Variants in TG observed in about 807,000 individuals in gnomAD.
TG encodes thyroglobulin.
In TG, 270 loss-of-function variants were observed where a neutral mutation model predicts 324.7. The ratio of observed to expected loss-of-function variants is 0.83; its 90% CI spans 0.75 to 0.92. The LOEUF (loss-of-function observed/expected upper bound fraction) is 0.92. Ranked by LOEUF, TG falls within the 40% of genes least tolerant of loss-of-function variation. The pLI, the probability that TG is intolerant of heterozygous loss-of-function variation, is 0.00. For missense variants in TG, 3,591 were observed against 3,456.4 expected, an observed-to-expected ratio of 1.04 and a Z score of -0.98; for synonymous variants, 1,401 against 1,327.0, an observed-to-expected ratio of 1.06 and a Z score of -1.21.
chr8:132,991,883 G>A (rs561606455), intron 35 of TG, among the ~76,000 whole-genome samples: 3 of 152,200 alleles, frequency 2.0e-5, no homozygotes, highest in South Asian at 2.1e-4. Context: ...CTCTGAGACC[G>A]AGAGATTGAG....
intron 34 of TG, among the ~76,000 whole-genome samples, chr8:132,981,854 A>T (rs941224832): frequency 6.6e-6 from 1 of 152,192 alleles, no homozygotes; most frequent in Non-Finnish European, 1.5e-5. Context: ...GGGAAAAGAC[A>T]TAATAGGATT....
At chr8:133,125,314 A>C (rs1176408263) in intron 45 of TG, among the ~76,000 whole-genome samples, 2 of 152,238 alleles carry the variant, frequency 1.3e-5, no homozygotes, top group Non-Finnish European at 2.9e-5. Flanking sequence ...GAGGTCCACT[A>C]GGGTGCCATG....
intron 29 of TG, among the ~76,000 whole-genome samples, chr8:132,965,098 T>TG (rs1198828572): frequency 2.0e-5 from 3 of 152,106 alleles, no homozygotes; most frequent in African/African-American, 7.2e-5. Flanking sequence ...CATGGTTCAA[T>TG]GGGGAGACCC....
chr8:133,133,709 A>C, intron 47 of TG, 49 bp downstream of exon 47: 1 of 1,585,614 alleles, frequency 6.3e-7, no homozygotes, highest in East Asian at 2.3e-5. Flanking sequence ...TGATCTCAGC[A>C]TCTGCTGTGC....
intron 41 of TG, among the ~76,000 whole-genome samples, chr8:133,057,619 G>A (rs1218772297): frequency 6.6e-6 from 1 of 152,098 alleles, no homozygotes; most frequent in African/African-American, 2.4e-5. Context: ...CAGCTTCCAC[G>A]GAACATTACT....
chr8:132,995,654 T>A, intron 35 of TG: 1 of 428,494 alleles, frequency 2.3e-6, no homozygotes, highest in Non-Finnish European at 3.1e-6. Flanking sequence ...TCTCTCCATG[T>A]AGCTTTTGTG....
At chr8:132,980,402 G>T (rs1230633763) in intron 34 of TG, among the ~76,000 whole-genome samples, 5 of 152,136 alleles carry the variant, frequency 3.3e-5, no homozygotes, top group African/African-American at 1.2e-4. Flanking sequence ...TTCTGAGTTG[G>T]TGAACACACA....
intron 41 of TG, among the ~76,000 whole-genome samples, chr8:133,082,632 C>T (rs1172221696): frequency 1.3e-5 from 2 of 152,130 alleles, no homozygotes; most frequent in Admixed American, 1.3e-4. Context: ...CGGAGTCAGG[C>T]CTCTTAAACA....
rs145690097 is a variant in TG, at chr8:132,923,448, G to A, written c.4639G>A (p.Glu1547Lys). The change falls in exon 22 of 48, where the codon GAG becomes AAG. Residue 1547 changes from glutamate to lysine, a missense_variant. Physicochemically the swap from Glu to Lys is moderately conservative, Grantham distance 56. Coordinates refer to ENST00000220616, the MANE Select transcript of TG (RefSeq NM_003235.5). ...TGGGAAGGCCTTCTGTGTGGACGGC[G>A]AGGGGCGGAGGCTGCCATGGTGGGA... Reference protein sequence around the residue: ...GSGKAFCVDGEGRRLPWWETE... With the variant: ...GSGKAFCVDGKGRRLPWWETE... 11 of 1,614,028 alleles carry A rather than the reference G, an allele frequency of 6.8e-6. No homozygotes were observed. Among genetic ancestry groups the A allele is most frequent in the African/African-American group, 5.3e-5 (4 of 74,920 alleles).
intron 5 of TG, among the ~76,000 whole-genome samples, chr8:132,875,851 G>C (rs1445345057): frequency 6.6e-6 from 1 of 152,264 alleles, no homozygotes; most frequent in African/African-American, 2.4e-5. Flanking sequence ...GGGATTTTCC[G>C]ATACTTAAGT....
intron 24 of TG, 98 bp from the exon 25 acceptor site, chr8:132,935,658 A>G: frequency 6.5e-6 from 7 of 1,073,074 alleles, no homozygotes; most frequent in Non-Finnish European, 9.9e-6. Flanking sequence ...TTACCTTTGT[A>G]GCCCTGGTGC....
chr8:132,887,586 GTC>G (rs1815606103), intron 9 of TG, 38 bp downstream of exon 9: 1 of 1,613,936 alleles, frequency 6.2e-7, no homozygotes, highest in African/African-American at 1.3e-5. Flanking sequence ...GGTTCCCTGA[GTC>G]TCTCTTTAGG....
chr8:132,964,925 T>C (rs777824477), intron 29 of TG: 3 of 702,212 alleles, frequency 4.3e-6, no homozygotes, highest in Non-Finnish European at 7.8e-6. Flanking sequence ...ATCTGCCAGA[T>C]GCTCCCAGGT....
intron 23 of TG, among the ~76,000 whole-genome samples, chr8:132,933,244 TTC>T (rs368150977): frequency 5.5e-5 from 1 of 18,226 alleles, no homozygotes; most frequent in African/African-American, 1.9e-4. Context: ...GAATGTGTAT[TTC>T]TATGTATTTG....
At chr8:132,870,671 C>A (rs960185999) in intron 3 of TG, among the ~76,000 whole-genome samples, 1 of 152,030 alleles carries the variant, frequency 6.6e-6, no homozygotes, top group Non-Finnish European at 1.5e-5. Flanking sequence ...TGTGCCGAAG[C>A]ATGCCACTAG....
chr8:132,867,195 C>CT (rs111987777), intron 1 of TG, 128 bp downstream of exon 1: 27,712 of 581,702 alleles, frequency 0.048, 33 homozygotes, highest in South Asian at 0.061. Context: ...CAGTGATTTG[C>CT]TTTTTTTTTT....
intron 43 of TG, among the ~76,000 whole-genome samples, chr8:133,098,640 T>C (rs887285712): frequency 3.3e-5 from 5 of 152,300 alleles, no homozygotes; most frequent in Non-Finnish European, 7.4e-5. Flanking sequence ...TAATTTTATA[T>C]TCCCAGGAGC....
At chr8:133,073,510 C>T (rs1057417124) in intron 41 of TG, among the ~76,000 whole-genome samples, 7 of 152,066 alleles carry the variant, frequency 4.6e-5, no homozygotes, top group Admixed American at 1.3e-4. Context: ...TACAGGCACC[C>T]GCCACCAAGC....
intron 26 of TG, among the ~76,000 whole-genome samples, chr8:132,948,308 T>TGAGAGCGAGAGCGAGAGA (rs1175777818): frequency 4.0e-5 from 6 of 149,412 alleles, no homozygotes; most frequent in South Asian, 2.1e-4. Context: ...AGAGCGAGAG[T>TGAGAGCGAGAGCGAGAGA]GAGAGCGAGA....
Sources: gnomAD v4.1 joint callset for allele counts (sites outside exome capture counted in the v4.1 genomes callset) on GRCh38, gnomAD v4.1.1 for gene constraint, MANE v1.5 for transcripts, NCBI Gene and HGNC (gene_info 2026-07-23, HGNC 2026-07-21) for gene names.